The following ADK variants were observed in gnomAD, a reference collection of about 807,000 sequenced individuals.
The protein encoded by ADK is adenosine kinase, also known as N6,N6-dimethyladenosine kinase.
A neutral mutation model predicts 44.7 loss-of-function variants in ADK; 24 were observed. That is an observed-to-expected ratio of 0.54 (90% CI 0.39 to 0.76). The LOEUF is 0.76. Among genes scored for constraint, ADK ranks in the 30% least tolerant of loss-of-function variants. The pLI, the probability that ADK is intolerant of heterozygous loss-of-function variation, is 0.00. For synonymous variants in ADK, 128 were observed against 142.6 expected (o/e 0.90, Z 0.73); for missense variants, 321 against 425.1 (o/e 0.76, Z 2.15).
At chr10:74,284,342 G>A (rs1386585356) in intron 3 of ADK, among the ~76,000 whole-genome samples, 1 of 147,890 alleles carries the variant, frequency 6.8e-6, no homozygotes, top group Non-Finnish European at 1.5e-5. Context: ...TCGGCTCACC[G>A]TGGCCTCTCC....
chr10:74,655,064 G>A (rs1327978164), intron 9 of ADK: 5 of 234,708 alleles, frequency 2.1e-5, no homozygotes, highest in Admixed American at 9.6e-5. Flanking sequence ...CCTTCACCCC[G>A]GGCCGCCTTC....
At chr10:74,350,258 A>G (rs1231215742) in intron 4 of ADK, among the ~76,000 whole-genome samples, 1 of 152,252 alleles carries the variant, frequency 6.6e-6, no homozygotes, top group Admixed American at 6.5e-5. Context: ...GAGGATTAAG[A>G]AACTCACTCA....
At position 74,360,935 on chromosome 10, in the gene ADK, C is replaced by T. The variant is rs1244088585; in HGVS notation, c.274-33206C>T. Among the ~76,000 whole-genome samples the T allele has an allele frequency of 5.3e-5, 8 of 152,062 alleles. No homozygotes were observed. The East Asian group carries it at 1.3e-3, about 26-fold the overall frequency. On this transcript the variant is annotated intron_variant, in intron 4 of 10. Transcript: ENST00000539909. ...TATTTGGGTTTTATTTGAGATGGAGCCTCACTCTGTCCCCCATGCTGGAGT... is the reference window on the plus strand; with the variant it reads ...TATTTGGGTTTTATTTGAGATGGAGTCTCACTCTGTCCCCCATGCTGGAGT...
chr10:74,401,614 T>G (rs1309363065), intron 6 of ADK, among the ~76,000 whole-genome samples: 1 of 152,146 alleles, frequency 6.6e-6, no homozygotes, highest in Non-Finnish European at 1.5e-5. Flanking sequence ...CCTCCATCCC[T>G]TTATTTTGAG....
intron 4 of ADK, among the ~76,000 whole-genome samples, chr10:74,358,332 TA>T (rs2131932888): frequency 6.6e-6 from 1 of 152,340 alleles, no homozygotes; most frequent in South Asian, 2.1e-4. Context: ...AACTTAGCAT[TA>T]ATATAGACTT....
Position 74,525,373 on chromosome 10 carries a change from G to T in ADK, c.673G>T (p.Glu225Ter). 1 of 1,613,620 alleles carries T rather than the reference G, an allele frequency of 6.2e-7. No homozygotes were observed. The highest frequency in any genetic ancestry group is 8.5e-7 in the Non-Finnish European group (1 of 1,179,828). The change falls in exon 7 of 11, where the codon GAA becomes TAA. Residue 225 changes from glutamate to a stop codon, truncating the protein, a stop_gained. Coordinates refer to ENST00000539909, the MANE Select transcript of ADK (RefSeq NM_006721.4). LOFTEE classifies it high-confidence loss of function. ...SAPFISQFYK[E>*]SLMKVMPYVD... The stretch of plus-strand genomic sequence containing the variant: ...ACCGTTTATTAGCCAGTTCTACAAG[G>T]AATCATTGATGAAAGTTATGCCTTA...
At chr10:74,673,349 C>G (rs1322786271) in intron 10 of ADK, among the ~76,000 whole-genome samples, 3 of 152,236 alleles carry the variant, frequency 2.0e-5, no homozygotes, top group Non-Finnish European at 2.9e-5. Context: ...AATAGTGAAG[C>G]AGGATATTTC....
chr10:74,403,567 C>T (rs1205458825), intron 6 of ADK, among the ~76,000 whole-genome samples: 1 of 152,200 alleles, frequency 6.6e-6, no homozygotes, highest in Non-Finnish European at 1.5e-5. Flanking sequence ...ATATAATCTC[C>T]TGGTGTGCCG....
intron 3 of ADK, among the ~76,000 whole-genome samples, chr10:74,267,794 C>G (rs61863651): frequency 0.02 from 1,234 of 60,954 alleles, 7 homozygotes; most frequent in Middle Eastern, 0.037. Context: ...GTGTGTGTGT[C>G]TGTCTGTCTG....
At chr10:74,186,277 C>A (rs1842764472) in intron 1 of ADK, among the ~76,000 whole-genome samples, 1 of 151,008 alleles carries the variant, frequency 6.6e-6, no homozygotes, top group Admixed American at 6.6e-5. Context: ...TCCCTTCTCC[C>A]CTTTCCCTTC....
At chr10:74,531,184 C>T (rs920895957) in intron 7 of ADK, among the ~76,000 whole-genome samples, 1 of 152,128 alleles carries the variant, frequency 6.6e-6, no homozygotes, top group African/African-American at 2.4e-5. Context: ...AGACAATCCT[C>T]AGTGCACACA....
At chr10:74,379,497 TA>T (rs1842917066) in intron 4 of ADK, among the ~76,000 whole-genome samples, 1 of 152,206 alleles carries the variant, frequency 6.6e-6, no homozygotes, top group Non-Finnish European at 1.5e-5. Flanking sequence ...GAATAAAATT[TA>T]TCCTTCTTAA....
intron 8 of ADK, among the ~76,000 whole-genome samples, chr10:74,597,382 A>G (rs1788334803): frequency 6.6e-6 from 1 of 152,206 alleles, no homozygotes; most frequent in Non-Finnish European, 1.5e-5. Flanking sequence ...GAAAATTAAC[A>G]TTAAACTACA....
At chr10:74,522,221 G>A (rs1312714052) in intron 6 of ADK, among the ~76,000 whole-genome samples, 2 of 152,304 alleles carry the variant, frequency 1.3e-5, no homozygotes, top group Non-Finnish European at 2.9e-5. Flanking sequence ...ATGGATAGTT[G>A]TAGAGAAACA....
At chr10:74,333,649 C>T (rs1450854908) in intron 4 of ADK, among the ~76,000 whole-genome samples, 1 of 152,132 alleles carries the variant, frequency 6.6e-6, no homozygotes, top group Non-Finnish European at 1.5e-5. Flanking sequence ...TGAAAGGCAA[C>T]AGTAAGCTAT....
intron 4 of ADK, among the ~76,000 whole-genome samples, chr10:74,344,246 G>T (rs889990876): frequency 1.6e-4 from 24 of 152,146 alleles, no homozygotes; most frequent in African/African-American, 5.8e-4. Flanking sequence ...AGTTTGTGGA[G>T]AATTGGTATT....
intron 6 of ADK, among the ~76,000 whole-genome samples, chr10:74,427,727 ATGTG>A (rs35949478): frequency 0.016 from 2,345 of 148,260 alleles, 22 homozygotes; most frequent in African/African-American, 0.028. Context: ...ATGTATATGT[ATGTG>A]TGTGTGTGTG....
chr10:74,299,622 T>C (rs1022366301), intron 3 of ADK, among the ~76,000 whole-genome samples: 12 of 107,038 alleles, frequency 1.1e-4, no homozygotes, highest in African/African-American at 3.1e-4. Context: ...ATATACATTA[T>C]ACATATATAT....
At chr10:74,691,563 A>C (rs1293837594) in intron 10 of ADK, among the ~76,000 whole-genome samples, 1 of 152,188 alleles carries the variant, frequency 6.6e-6, no homozygotes, top group Non-Finnish European at 1.5e-5. Flanking sequence ...CAGGAATGCA[A>C]ATGGTTAATT....
Sources: gnomAD v4.1 joint callset for allele counts (sites outside exome capture counted in the v4.1 genomes callset) on GRCh38, gnomAD v4.1.1 for gene constraint, MANE v1.5 for transcripts, NCBI Gene and HGNC (gene_info 2026-07-23, HGNC 2026-07-21) for gene names.